PAN2: variants seen among roughly 807,000 people sequenced by gnomAD.
The protein encoded by PAN2 is poly(A) specific ribonuclease subunit PAN2, also known as PAN2-PAN3 deadenylation complex catalytic subunit PAN2.
PAN2 carries 68 observed loss-of-function variants against 133.3 expected under a neutral mutation model. The observed-to-expected ratio is 0.51, with a 90% confidence interval of 0.42 to 0.62. The LOEUF (loss-of-function observed/expected upper bound fraction) is 0.62, where lower values mean the gene tolerates loss of function less well. Among genes scored for constraint, PAN2 ranks in the 20% least tolerant of loss-of-function variants. The pLI is 0.00. For missense variants in PAN2, 1,042 were observed against 1,500.5 expected (o/e 0.69, Z 5.05); for synonymous variants, 462 against 544.6 (o/e 0.85, Z 2.11).
rs1451580419 is a variant in PAN2, at chr12:56,325,021, G to A, written c.1587C>T (p.Asn529=). 3.7e-6 allele frequency: 6 copies of A among 1,614,004 alleles called. No homozygotes were observed. In the Admixed American group the frequency reaches 5.0e-5, roughly 13 times the overall value. ...LEPHIPNAYC[N]CMIQVLYFLE... is the part of the protein sequence containing the mutation. ...ACCCAACCCTTACCTGGATCATGCA[G>A]TTACAGTAGGCGTTGGGAATGTGGG... The change falls in exon 10 of 26, where the codon AAC becomes AAT. Residue 529 remains asparagine (N), a synonymous_variant. Transcript: ENST00000440411.
intron 3 of PAN2, 47 bp from the exon 4 acceptor site, chr12:56,328,405 C>T (rs1875360828): frequency 2.5e-6 from 4 of 1,599,308 alleles, no homozygotes; most frequent in Non-Finnish European, 3.4e-6. Context: ...TACAAGCTGC[C>T]AATCCCTTAG....
intron 3 of PAN2, 33 bp from the exon 4 acceptor site, chr12:56,328,391 G>A (rs1592443960): frequency 6.3e-7 from 1 of 1,595,924 alleles, no homozygotes; most frequent in Non-Finnish European, 8.5e-7. Flanking sequence ...AGGGGCCCAG[G>A]CCTTACAAGC....
Position 56,326,428 on chromosome 12 carries a change from C to T in PAN2, c.1263-19G>A. 6.4e-7 allele frequency: 1 copy of T among 1,568,504 alleles called. No individual in the cohort carries two copies. Among genetic ancestry groups the T allele is most frequent in the Non-Finnish European group, 8.7e-7 (1 of 1,150,444 alleles). On this transcript the variant is annotated intron_variant, in intron 7 of 25. Coordinates refer to ENST00000440411, the MANE Select transcript of PAN2 (RefSeq NM_014871.6). ...TGCTCGCCTACAATCCAGCATAGTT[C>T]TAGGACTTAAAGAGTTGTGGTGTAC...
chr12:56,320,745 CTTTTTTTTTT>C (rs764563787), intron 20 of PAN2, among the ~76,000 whole-genome samples: 1 of 115,196 alleles, frequency 8.7e-6, no homozygotes, highest in Non-Finnish European at 1.7e-5. Flanking sequence ...CTTACAGCTG[CTTTTTTTTTT>C]TTTTTTTTTT....
chr12:56,333,496 C>T (rs762686321), intron 1 of PAN2: 3 of 197,372 alleles, frequency 1.5e-5, no homozygotes, highest in Admixed American at 1.0e-4. Context: ...CCTTGTTCAG[C>T]CCTGAATCAT....
chr12:56,323,424 A>C, intron 15 of PAN2, 40 bp from the exon 16 acceptor site: 3 of 1,610,362 alleles, frequency 1.9e-6, no homozygotes, highest in Non-Finnish European at 2.5e-6. Flanking sequence ...TCAGGAATGT[A>C]ATCATATATG....
intron 5 of PAN2, 104 bp downstream of exon 5, chr12:56,327,891 C>G: frequency 6.5e-7 from 1 of 1,545,264 alleles, no homozygotes; most frequent in Non-Finnish European, 8.7e-7. Context: ...ACTCATCCCT[C>G]ACCTCCAATC....
At chr12:56,325,189 T>G (rs937909006) in intron 9 of PAN2, 61 bp from the exon 10 acceptor site, 5 of 1,593,004 alleles carry the variant, frequency 3.1e-6, no homozygotes, top group Non-Finnish European at 2.6e-6. Flanking sequence ...ATCTTTCCAG[T>G]AGCCACAGCC....
intron 20 of PAN2, among the ~76,000 whole-genome samples, chr12:56,320,745 C>CTTTT (rs764563787): frequency 4.3e-5 from 5 of 115,180 alleles, no homozygotes; most frequent in African/African-American, 1.1e-4. Context: ...CTTACAGCTG[C>CTTTT]TTTTTTTTTT....
At chr12:56,328,421 C>T in intron 3 of PAN2, 51 bp downstream of exon 3, 1 of 1,605,770 alleles carries the variant, frequency 6.2e-7, no homozygotes, top group Non-Finnish European at 8.5e-7. Context: ...CTTAGCCTTC[C>T]CACCCTATGA....
Position 56,319,978 on chromosome 12 carries a change from C to T in PAN2, c.2832G>A (p.Ser944=), listed in dbSNP as rs757791559. ...IEASVLLAEA[S]LARKQRKTHT... Reference sequence around the variant, plus strand: ...GTGTTTTCCGCTGCTTCCGTGCCAGCGAGGCTTCAGCCAGCAAGACACTTG... The same window carrying T: ...GTGTTTTCCGCTGCTTCCGTGCCAGTGAGGCTTCAGCCAGCAAGACACTTG... The change falls in exon 21 of 26, where the codon TCG becomes TCA. Residue 944 remains serine (S), a synonymous_variant. Coordinates refer to ENST00000440411, the MANE Select transcript of PAN2 (RefSeq NM_014871.6). The surrounding 1 kb of genome is among the most constrained non-coding windows in gnomAD (Gnocchi z 5.4). 1.1e-5 allele frequency: 17 copies of T among 1,614,004 alleles called. No individual in the cohort carries two copies. Among genetic ancestry groups the T allele is most frequent in the African/African-American group, 1.3e-5 (1 of 74,904 alleles).
chr12:56,322,584 G>A, intron 18 of PAN2, 31 bp downstream of exon 18: 2 of 1,613,716 alleles, frequency 1.2e-6, no homozygotes, highest in African/African-American at 1.3e-5. Flanking sequence ...GCCATCCCAG[G>A]AGTGTTCCTG....
intron 17 of PAN2, 111 bp from the exon 18 acceptor site, chr12:56,322,869 G>C: frequency 7.8e-7 from 1 of 1,276,226 alleles, no homozygotes; most frequent in Non-Finnish European, 1.1e-6. Flanking sequence ...ACCAGGGTGG[G>C]TTATCTCCAT....
intron 10 of PAN2, 55 bp downstream of exon 10, chr12:56,324,954 A>G (rs974968925): frequency 6.3e-7 from 1 of 1,599,448 alleles, no homozygotes; most frequent in Non-Finnish European, 8.5e-7. Flanking sequence ...CGAGAGCCAT[A>G]GGGAAGAAGA....
At chr12:56,329,830 G>A (rs989950917) in intron 2 of PAN2, among the ~76,000 whole-genome samples, 1 of 151,372 alleles carries the variant, frequency 6.6e-6, no homozygotes, top group East Asian at 2.0e-4. Context: ...TGTAGTCCCA[G>A]CTACTCAGGA....
intron 19 of PAN2, 92 bp from the exon 20 acceptor site, chr12:56,322,260 T>C (rs1382822574): frequency 3.7e-6 from 4 of 1,077,194 alleles, no homozygotes; most frequent in Non-Finnish European, 5.6e-6. Flanking sequence ...GGTGCTAGTT[T>C]TTGTTTTTTT....
chr12:56,327,073 C>T, intron 6 of PAN2, 114 bp from the exon 7 acceptor site: 1 of 906,512 alleles, frequency 1.1e-6, no homozygotes, highest in Non-Finnish European at 1.7e-6. Flanking sequence ...CAAATCCATG[C>T]CTAGAGACAG....
In PAN2 at chr12:56,323,552, T is replaced by C. The variant is rs774456399; in HGVS notation, c.2219A>G (p.Asn740Ser). ...IRHLPDILVI[N>S]CEVNSSKEAD... ...CTCTTTTGAGCTGTTCACCTCACAA[T>C]TGATGACAAGAATATCTGGCAGATG... The change falls in exon 15 of 26, where the codon AAT becomes AGT. Residue 740 changes from asparagine to serine, a missense_variant. By Grantham distance (46) the Asn-to-Ser change is conservative. Transcript: ENST00000440411. The C allele has an allele frequency of 1.2e-6, 2 of 1,614,226 alleles. No individual in the cohort carries two copies. The highest frequency in any genetic ancestry group is 1.7e-6 in the Non-Finnish European group (2 of 1,180,040).
intron 1 of PAN2, chr12:56,333,446 C>T (rs1876133628): frequency 7.5e-6 from 2 of 268,194 alleles, no homozygotes; most frequent in Middle Eastern, 1.2e-3. Flanking sequence ...CTAACCTAAT[C>T]CTTGACTTCC....
Sources: allele counts gnomAD v4.1 joint callset (sites outside exome capture counted in the v4.1 genomes callset), GRCh38; gene constraint gnomAD v4.1.1; non-coding constraint Gnocchi (gnomAD v3.1); transcripts MANE v1.5; gene names NCBI Gene and HGNC (gene_info 2026-07-23, HGNC 2026-07-21).